Variants in PEX5L observed in about 807,000 individuals in gnomAD.
PEX5L encodes the protein PEX5-related protein.
Under a neutral mutation model 84.0 loss-of-function variants are expected in PEX5L, and 30 were observed. The observed-to-expected ratio is 0.36, with a 90% confidence interval of 0.27 to 0.48. The LOEUF is 0.48. Among genes scored for constraint, PEX5L ranks in the 20% least tolerant of loss-of-function variants. The probability of loss-of-function intolerance (pLI) is 0.99; values close to 1 mark genes in which losing one functional copy is unlikely to be tolerated. For synonymous variants in PEX5L, 270 were observed against 283.1 expected, an observed-to-expected ratio of 0.95 and a Z score of 0.46; for missense variants, 533 against 754.6, an observed-to-expected ratio of 0.71 and a Z score of 3.44.
intron 7 of PEX5L, among the ~76,000 whole-genome samples, chr3:179,873,461 C>T (rs1751054075): frequency 6.6e-6 from 1 of 152,130 alleles, no homozygotes; most frequent in South Asian, 2.1e-4. Flanking sequence ...ATGCACACAA[C>T]TTATGATATC....
At chr3:179,947,761 C>CA (rs1777987968) in intron 2 of PEX5L, among the ~76,000 whole-genome samples, 1 of 144,056 alleles carries the variant, frequency 6.9e-6, no homozygotes, top group Non-Finnish European at 1.5e-5. Context: ...GGCTGGAGTG[C>CA]AGTGGCATGA....
intron 1 of PEX5L, among the ~76,000 whole-genome samples, chr3:180,001,889 T>C (rs1788454386): frequency 1.3e-5 from 2 of 152,200 alleles, no homozygotes; most frequent in African/African-American, 2.4e-5. Flanking sequence ...ATATTATCCA[T>C]AGTCATAGCC....
intron 3 of PEX5L, among the ~76,000 whole-genome samples, chr3:179,889,358 C>T (rs1756918523): frequency 6.6e-6 from 1 of 152,040 alleles, no homozygotes; most frequent in Non-Finnish European, 1.5e-5. Flanking sequence ...AGACTGGAAG[C>T]CAAGAGACAC....
chr3:180,036,580 T>C lies in PEX5L; in HGVS notation c.20A>G (p.Gln7Arg). The part of the protein sequence containing the change: MYQGHM[Q>R]KSKEQGYGKL... ...TCCAGCCCTATAGAAATGTCTTACC[T>C]GCATGTGTCCCTGGTACATTCTGCT... Residue 7 changes from glutamine (Q) to arginine (R), a missense_variant and splice_region_variant, in exon 1 of 15, where the codon CAG (glutamine) becomes CGG (arginine). This residue lies in a region of PEX5L where 259 missense variants were observed against 301.7 expected (regional missense o/e 0.86). Transcript: ENST00000467460. 1 of 1,614,052 alleles carries C rather than the reference T, an allele frequency of 6.2e-7. No homozygotes were observed.
At chr3:179,802,483 C>G (rs922378255) in intron 14 of PEX5L, among the ~76,000 whole-genome samples, 2 of 137,286 alleles carry the variant, frequency 1.5e-5, no homozygotes, top group African/African-American at 5.5e-5. Flanking sequence ...TGCAGTGAGC[C>G]GAGATCACAC....
intron 2 of PEX5L, among the ~76,000 whole-genome samples, chr3:179,964,854 C>T (rs957626522): frequency 6.6e-6 from 1 of 152,238 alleles, no homozygotes; most frequent in Admixed American, 6.5e-5. Context: ...ACGCTACGTA[C>T]TTTGCTAGGC....
chr3:179,831,458 C>T (rs1386692432), intron 8 of PEX5L, among the ~76,000 whole-genome samples: 3 of 152,032 alleles, frequency 2.0e-5, no homozygotes, highest in Non-Finnish European at 4.4e-5. Context: ...TCATATTACA[C>T]TTTCACATTA....
At chr3:179,982,050 G>T (rs1036118189) in intron 1 of PEX5L, among the ~76,000 whole-genome samples, 2 of 152,194 alleles carry the variant, frequency 1.3e-5, no homozygotes, top group African/African-American at 2.4e-5. Flanking sequence ...TATTTAAAGT[G>T]TGTTTAAAGA....
chr3:179,899,786 GTGT>G (rs1171965522), intron 2 of PEX5L, among the ~76,000 whole-genome samples: 1 of 152,068 alleles, frequency 6.6e-6, no homozygotes, highest in African/African-American at 2.4e-5. Flanking sequence ...GAATTATAAT[GTGT>G]TATTTCCAAG....
chr3:179,854,212 A>G (rs1743037145), intron 8 of PEX5L, among the ~76,000 whole-genome samples: 1 of 151,662 alleles, frequency 6.6e-6, no homozygotes, highest in African/African-American at 2.4e-5. Context: ...AGGCTTAGCT[A>G]GAGCTAAGAG....
chr3:180,036,676 G>A lies in PEX5L; in HGVS notation c.-77C>T, dbSNP rs1021705799. ...GTGCTTACTTGCCCACCAAAAGAGG[G>A]GAAAAGGTGGGTGCACAGCGGGTTC... On this transcript the variant is annotated 5_prime_UTR_variant, in exon 1 of 15. Transcript: ENST00000467460. 2.6e-6 allele frequency: 4 copies of A among 1,515,046 alleles called. No individual in the cohort carries two copies. Among genetic ancestry groups the A allele is most frequent in the African/African-American group, 2.7e-5 (2 of 73,052 alleles). 93.9% of individuals were successfully genotyped at this position (1,515,046 alleles called of 1,614,324 possible).
intron 1 of PEX5L, among the ~76,000 whole-genome samples, chr3:179,997,913 ACT>A: frequency 6.6e-6 from 1 of 152,220 alleles, no homozygotes; most frequent in Admixed American, 6.5e-5. Context: ...GGGTATATCA[ACT>A]CTCTGGCTTT....
chr3:179,997,341 T>C (rs1787980268), intron 1 of PEX5L, among the ~76,000 whole-genome samples: 1 of 152,114 alleles, frequency 6.6e-6, no homozygotes, highest in Non-Finnish European at 1.5e-5. Flanking sequence ...AGTTTTGACT[T>C]ACAGTGGGTC....
chr3:179,980,585 T>G (rs1786231344), intron 1 of PEX5L, among the ~76,000 whole-genome samples: 1 of 152,154 alleles, frequency 6.6e-6, no homozygotes, highest in Non-Finnish European at 1.5e-5. Context: ...GATGTGACAA[T>G]TTCTAGAGGG....
intron 8 of PEX5L, among the ~76,000 whole-genome samples, chr3:179,854,643 C>A (rs1434069122): frequency 2.0e-5 from 3 of 151,976 alleles, no homozygotes; most frequent in Admixed American, 6.6e-5. Context: ...TTATATACAA[C>A]AATAGATAGA....
At chr3:179,826,336 T>A (rs556425618) in intron 8 of PEX5L, among the ~76,000 whole-genome samples, 2 of 152,244 alleles carry the variant, frequency 1.3e-5, no homozygotes, top group African/African-American at 4.8e-5. Flanking sequence ...TAGGAAGGGG[T>A]CACTTTTGAA....
Position 179,971,648 on chromosome 3 carries a change from T to C in PEX5L, c.39A>G (p.Gly13=), listed in dbSNP as rs781469483. 3.7e-6 allele frequency: 6 copies of C among 1,604,896 alleles called. No homozygotes were observed. The highest frequency in any genetic ancestry group is 5.1e-6 in the Non-Finnish European group (6 of 1,176,234). Residue 13 remains glycine, a synonymous_variant, in exon 2 of 15, where the codon GGA becomes GGG. Coordinates refer to ENST00000467460, the MANE Select transcript of PEX5L (RefSeq NM_016559.3). ...CTTCATCACTGCTTAGTTTTCCATA[T>C]CCTTGTTCTTTACTTTTCTTGTGAA... ...QGHMQKSKEQ[G]YGKLSSDEDL... is the part of the protein sequence containing the mutation.
intron 2 of PEX5L, among the ~76,000 whole-genome samples, chr3:179,918,495 A>G (rs930012455): frequency 2.0e-5 from 3 of 152,178 alleles, no homozygotes; most frequent in African/African-American, 7.2e-5. Flanking sequence ...TAGCTTTTTT[A>G]AGCGTCACTG....
intron 2 of PEX5L, among the ~76,000 whole-genome samples, chr3:179,942,468 C>T (rs1239877311): frequency 6.6e-6 from 1 of 152,226 alleles, no homozygotes; most frequent in African/African-American, 2.4e-5. Flanking sequence ...GCCCGCTGCG[C>T]GCATGCCCAA....
Sources: allele counts gnomAD v4.1 joint callset (sites outside exome capture counted in the v4.1 genomes callset), GRCh38; gene constraint gnomAD v4.1.1; regional missense constraint gnomAD v4.1.1; transcripts MANE v1.5; gene names NCBI Gene and HGNC (gene_info 2026-07-23, HGNC 2026-07-21).